CDKAL1: variants seen among roughly 807,000 people sequenced by gnomAD.
CDKAL1 encodes the protein CDKAL1 threonylcarbamoyladenosine tRNA methylthiotransferase, also known as threonylcarbamoyladenosine tRNA methylthiotransferase.
CDKAL1 carries 32 observed loss-of-function variants against 68.2 expected under a neutral mutation model. That is an observed-to-expected ratio of 0.47 (90% CI 0.35 to 0.63). The LOEUF is 0.63. Ranked by LOEUF, CDKAL1 falls within the 30% of genes least tolerant of loss-of-function variation. CDKAL1 has a pLI of 0.00. For missense variants in CDKAL1, 606 were observed against 696.7 expected (o/e 0.87, Z 1.47); for synonymous variants, 234 against 244.3 (o/e 0.96, Z 0.39).
intron 13 of CDKAL1, among the ~76,000 whole-genome samples, chr6:21,167,226 AAG>A (rs1163315046): frequency 1.3e-5 from 2 of 152,158 alleles, no homozygotes; most frequent in Non-Finnish European, 2.9e-5. Flanking sequence ...GCCCGTGAGA[AAG>A]AGTTTGAGTA....
chr6:21,203,858 G>A (rs530269631), intron 15 of CDKAL1, among the ~76,000 whole-genome samples: 4 of 151,976 alleles, frequency 2.6e-5, no homozygotes, highest in East Asian at 1.9e-4. Context: ...CACCACACCC[G>A]GCTAATCACT....
chr6:21,086,522 G>A (rs11964144), intron 12 of CDKAL1, among the ~76,000 whole-genome samples: 58,343 of 151,970 alleles, frequency 0.38, 11,523 homozygotes, highest in African/African-American at 0.49. Context: ...GCGCCTAGGT[G>A]GGTGAACTAG....
At chr6:20,952,672 G>A (rs536417479) in intron 9 of CDKAL1, among the ~76,000 whole-genome samples, 3 of 152,216 alleles carry the variant, frequency 2.0e-5, no homozygotes, top group African/African-American at 7.2e-5. Flanking sequence ...ACTTCTGTCC[G>A]TAAGTCTAGC....
At chr6:20,886,456 T>A (rs186539412) in intron 9 of CDKAL1, among the ~76,000 whole-genome samples, 132 of 152,348 alleles carry the variant, frequency 8.7e-4, no homozygotes, top group African/African-American at 2.9e-3. Flanking sequence ...ATTGCAGCGA[T>A]ATTTGCAATA....
intron 9 of CDKAL1, among the ~76,000 whole-genome samples, chr6:20,902,583 T>C (rs1026117810): frequency 1.3e-5 from 2 of 152,182 alleles, no homozygotes; most frequent in African/African-American, 4.8e-5. Context: ...GGCAGTTGAA[T>C]ATATGGCTAT....
At chr6:20,556,055 G>T (rs1764030559) in intron 4 of CDKAL1, among the ~76,000 whole-genome samples, 1 of 152,066 alleles carries the variant, frequency 6.6e-6, no homozygotes, top group Non-Finnish European at 1.5e-5. Context: ...TCAGTGCTGA[G>T]TTGGGATTTG....
At chr6:21,213,064 T>G (rs930298911) in intron 15 of CDKAL1, among the ~76,000 whole-genome samples, 2 of 152,144 alleles carry the variant, frequency 1.3e-5, no homozygotes, top group African/African-American at 2.4e-5. Flanking sequence ...GGCTTCCTCC[T>G]TGAAAACATC....
At chr6:21,063,920 A>G (rs1008919707) in intron 11 of CDKAL1, among the ~76,000 whole-genome samples, 10 of 152,174 alleles carry the variant, frequency 6.6e-5, no homozygotes, top group African/African-American at 2.4e-4. Context: ...GAGTCTCCAG[A>G]CTGTACCTTG....
intron 5 of CDKAL1, among the ~76,000 whole-genome samples, chr6:20,700,917 TTTTATGTAA>T (rs1771324527): frequency 6.6e-6 from 1 of 151,790 alleles, no homozygotes; most frequent in Admixed American, 6.6e-5. Context: ...TTTTTACACT[TTTTATGTAA>T]TCTGTTTCTA....
At chr6:21,123,913 T>G (rs1774854648) in intron 13 of CDKAL1, among the ~76,000 whole-genome samples, 1 of 152,194 alleles carries the variant, frequency 6.6e-6, no homozygotes, top group Non-Finnish European at 1.5e-5. Flanking sequence ...ACCAAATTAG[T>G]GCCCCCCAAA....
At chr6:21,029,990 G>C (rs1211079810) in intron 11 of CDKAL1, among the ~76,000 whole-genome samples, 2 of 152,096 alleles carry the variant, frequency 1.3e-5, no homozygotes, top group Non-Finnish European at 2.9e-5. Flanking sequence ...ATACCCAAAG[G>C]AATATAAATC....
At chr6:20,589,446 G>A (rs570665471) in intron 4 of CDKAL1, among the ~76,000 whole-genome samples, 1 of 152,294 alleles carries the variant, frequency 6.6e-6, no homozygotes, top group South Asian at 2.1e-4. Flanking sequence ...GAAAGCCAAT[G>A]AAATTGAAAG....
chr6:20,848,242 A>G (rs1367013017), intron 9 of CDKAL1, among the ~76,000 whole-genome samples: 1 of 151,152 alleles, frequency 6.6e-6, no homozygotes, highest in African/African-American at 2.4e-5. Flanking sequence ...TTGCAAAGAG[A>G]GTAACCTCTG....
intron 4 of CDKAL1, among the ~76,000 whole-genome samples, chr6:20,591,469 G>A (rs1765589131): frequency 1.3e-5 from 2 of 152,104 alleles, no homozygotes; most frequent in African/African-American, 2.4e-5. Flanking sequence ...TTTTATTCTA[G>A]GGTTTTTATG....
chr6:20,619,428 A>G (rs181509735), intron 4 of CDKAL1, among the ~76,000 whole-genome samples: 1 of 152,334 alleles, frequency 6.6e-6, no homozygotes, highest in Admixed American at 6.5e-5. Flanking sequence ...TCAATTAACT[A>G]GATTTAGTCA....
chr6:21,058,307 C>T (rs1223457186), intron 11 of CDKAL1, among the ~76,000 whole-genome samples: 2 of 152,226 alleles, frequency 1.3e-5, no homozygotes, highest in East Asian at 3.9e-4. Context: ...GGTTTAAAAT[C>T]TGTTTTGTCA....
At chr6:20,611,375 C>T (rs1766610335) in intron 4 of CDKAL1, among the ~76,000 whole-genome samples, 2 of 152,254 alleles carry the variant, frequency 1.3e-5, no homozygotes, top group Middle Eastern at 3.4e-3. Flanking sequence ...CAGTGATCCA[C>T]CTGCCTCAGC....
chr6:20,655,959 G>A (rs9465857), intron 5 of CDKAL1, among the ~76,000 whole-genome samples: 11,116 of 152,156 alleles, frequency 0.073, 1,311 homozygotes, highest in African/African-American at 0.25. Flanking sequence ...TCTATGTGAC[G>A]GGCAGTGTTC....
At chr6:20,758,979 G>T (rs72832325) in intron 7 of CDKAL1, among the ~76,000 whole-genome samples, 12,013 of 151,920 alleles carry the variant, frequency 0.079, 777 homozygotes, top group East Asian at 0.34. Context: ...TGGGATCTCT[G>T]GGGGAGAAAG....
Sources: allele counts gnomAD v4.1 joint callset (sites outside exome capture counted in the v4.1 genomes callset), GRCh38; gene constraint gnomAD v4.1.1; transcripts MANE v1.5; gene names NCBI Gene and HGNC (gene_info 2026-07-23, HGNC 2026-07-21).